The following CYP19A1 variants were observed in gnomAD, a reference collection of about 807,000 sequenced individuals.
CYP19A1 encodes aromatase.
CYP19A1 carries 32 observed loss-of-function variants against 44.4 expected under a neutral mutation model. The ratio of observed to expected loss-of-function variants is 0.72; its 90% CI spans 0.54 to 0.97. The LOEUF is 0.97. Among genes scored for constraint, CYP19A1 ranks in the 50% least tolerant of loss-of-function variants. The pLI is 0.00. For missense variants in CYP19A1, 598 were observed against 637.8 expected (o/e 0.94, Z 0.67); for synonymous variants, 212 against 215.6 (o/e 0.98, Z 0.14).
rs28757208 is a variant in CYP19A1 at position 51,210,348 on chromosome 15, C to G, written c.*460G>C. 336 of 483,652 alleles carry G rather than the reference C, an allele frequency of 6.9e-4. 7 individuals carry two copies. In the East Asian group the frequency reaches 0.017, roughly 24 times the overall value. 30.0% of individuals were successfully genotyped at this position (483,652 alleles called of 1,614,324 possible). A position where few individuals can be genotyped will look rare whatever the true frequency, so the allele number is the denominator to read the frequency against. On this transcript the variant is annotated 3_prime_UTR_variant, in exon 10 of 10. Transcript: ENST00000396402. Reference sequence around the variant, plus strand: ...CTCCACAGAAAACAAAATTAAAGTACTTTAATTCACACTAGCAGGTGGGTT... The same window carrying G: ...CTCCACAGAAAACAAAATTAAAGTAGTTTAATTCACACTAGCAGGTGGGTT...
In CYP19A1 at chr15:51,324,743, A is replaced by G. The variant is rs183453104; in HGVS notation, c.-39+13752T>C. 2.6e-4 allele frequency among the ~76,000 whole-genome samples: 39 copies of G among 152,382 alleles called. No individual in the cohort carries two copies. In the East Asian group the frequency reaches 6.9e-3, roughly 27 times the overall value. On this transcript the variant is annotated intron_variant, in intron 1 of 9. Transcript: ENST00000396402. ...TGGAAGATGCAAATTTTAGACAGGT[A>G]GAGTAAATGTTAACAGGAAATCCTT...
intron 1 of CYP19A1, among the ~76,000 whole-genome samples, chr15:51,317,593 A>G (rs2036451220): frequency 6.6e-6 from 1 of 152,202 alleles, no homozygotes; most frequent in South Asian, 2.1e-4. Context: ...ACCCCCACAC[A>G]GAATGCAAGA....
chr15:51,218,004 T>C (rs1417761555), intron 6 of CYP19A1, among the ~76,000 whole-genome samples: 1 of 152,214 alleles, frequency 6.6e-6, no homozygotes, highest in Non-Finnish European at 1.5e-5. Context: ...CAAAGTCATT[T>C]AATGACAATT....
chr15:51,283,451 C>T (rs2035595869), intron 1 of CYP19A1, among the ~76,000 whole-genome samples: 1 of 152,180 alleles, frequency 6.6e-6, no homozygotes, highest in Non-Finnish European at 1.5e-5. Context: ...TACTATAATC[C>T]AGCAAGGAGG....
At chr15:51,317,813 A>C (rs1327491121) in intron 1 of CYP19A1, among the ~76,000 whole-genome samples, 1 of 152,360 alleles carries the variant, frequency 6.6e-6, no homozygotes, top group East Asian at 1.9e-4. Context: ...AATAGGTTGA[A>C]GGACTTGTCC....
chr15:51,299,032 G>A (rs1475897987), intron 1 of CYP19A1, among the ~76,000 whole-genome samples: 1 of 152,312 alleles, frequency 6.6e-6, no homozygotes, highest in African/African-American at 2.4e-5. Flanking sequence ...TGCTGGAACC[G>A]GCAAGGCCTT....
rs190152575 is a variant in CYP19A1, at chr15:51,308,981, C to T, written c.-39+29514G>A. 5.6e-4 allele frequency among the ~76,000 whole-genome samples: 86 copies of T among 152,284 alleles called. 1 individual carries two copies. Among genetic ancestry groups the T allele is most frequent in the African/African-American group, 2.0e-3 (83 of 41,548 alleles). ...TCCCAGATCCAATCCTCTGGCATTA[C>T]ATCAATGCAGAAAGAGAAGGTAAGT... On this transcript the variant is annotated intron_variant, in intron 1 of 9. Coordinates refer to ENST00000396402, the MANE Select transcript of CYP19A1 (RefSeq NM_000103.4).
intron 1 of CYP19A1, among the ~76,000 whole-genome samples, chr15:51,248,252 C>A (rs1183962410): frequency 6.6e-6 from 1 of 152,186 alleles, no homozygotes; most frequent in African/African-American, 2.4e-5. Flanking sequence ...CCAAACAAAC[C>A]ATCTCTCCAT....
intron 4 of CYP19A1, among the ~76,000 whole-genome samples, chr15:51,223,593 T>TCTCTCACACA (rs1356666512): frequency 0.046 from 4,153 of 90,120 alleles, 167 homozygotes; most frequent in Non-Finnish European, 0.066. Context: ...TCTCTCTCTC[T>TCTCTCACACA]CACACACACA....
intron 4 of CYP19A1, among the ~76,000 whole-genome samples, chr15:51,225,709 C>T (rs953455460): frequency 3.3e-5 from 5 of 152,152 alleles, no homozygotes; most frequent in African/African-American, 4.8e-5. Flanking sequence ...CCAGAACCTA[C>T]TAACATGTTA....
intron 3 of CYP19A1, 43 bp from the exon 4 acceptor site, chr15:51,227,976 G>A: frequency 1.8e-6 from 2 of 1,086,670 alleles, no homozygotes; most frequent in Non-Finnish European, 2.9e-6. Flanking sequence ...TAAGGGTCAG[G>A]AGAACTCCTG....
intron 3 of CYP19A1, among the ~76,000 whole-genome samples, chr15:51,229,138 G>A (rs1000968209): frequency 2.0e-5 from 3 of 152,160 alleles, no homozygotes; most frequent in Non-Finnish European, 4.4e-5. Context: ...TCTCACATCT[G>A]CGATGTGTTC....
chr15:51,306,410 T>C (rs1001460934), intron 1 of CYP19A1, among the ~76,000 whole-genome samples: 15 of 151,792 alleles, frequency 9.9e-5, no homozygotes, highest in Admixed American at 2.6e-4. Flanking sequence ...TTGTTTTTTG[T>C]TTTTTTTCTA....
Position 51,334,386 on chromosome 15 carries a change from T to C in CYP19A1, c.-39+4109A>G, listed in dbSNP as rs74245701. Among the ~76,000 whole-genome samples, 2,322 of 152,344 alleles carry C rather than the reference T, an allele frequency of 0.015. 197 individuals carry two copies. In the East Asian group the frequency reaches 0.26, roughly 17 times the overall value. ...CTGCCCTGCCCCGTTCACAGGCTTA[T>C]TATGGAACTCAAATGACATGAGAAA... On this transcript the variant is annotated intron_variant, in intron 1 of 9. Coordinates refer to ENST00000396402, the MANE Select transcript of CYP19A1 (RefSeq NM_000103.4).
At position 51,236,969 on chromosome 15, in the gene CYP19A1, G is replaced by A. The variant is rs60308277; in HGVS notation, c.186C>T (p.His62=). The A allele has an allele frequency of 5.4e-3, 8,713 of 1,614,130 alleles. 385 individuals carry two copies. The African/African-American group carries it at 0.1, about 19-fold the overall frequency. The change falls in exon 3 of 10, where the codon CAC becomes CAT. Residue 62 remains histidine (H), a synonymous_variant. Transcript: ENST00000396402. Reference sequence around the variant, plus strand: ...CGATCCCCATCCACAGGAATCTGCCGTGGGAGATGAGGGGTCCAATTCCCA... The same window carrying A: ...CGATCCCCATCCACAGGAATCTGCCATGGGAGATGAGGGGTCCAATTCCCA... ...YCMGIGPLIS[H]GRFLWMGIGS... is the part of the protein sequence containing the mutation.
intron 1 of CYP19A1, among the ~76,000 whole-genome samples, chr15:51,260,723 T>TCACTAAAATACAAATTGG (rs2034682151): frequency 6.6e-6 from 1 of 152,052 alleles, no homozygotes; most frequent in Non-Finnish European, 1.5e-5. Context: ...TAAAGAGGGC[T>TCACTAAAATACAAATTGG]CACTAAAATA....
chr15:51,315,049 G>A (rs535080602), intron 1 of CYP19A1, among the ~76,000 whole-genome samples: 8 of 151,882 alleles, frequency 5.3e-5, no homozygotes, highest in Admixed American at 2.0e-4. Context: ...TCTCTACCCC[G>A]AGGCCAGAGG....
At chr15:51,219,200 C>A (rs577087812) in intron 5 of CYP19A1, among the ~76,000 whole-genome samples, 1 of 152,288 alleles carries the variant, frequency 6.6e-6, no homozygotes, top group East Asian at 1.9e-4. Flanking sequence ...TAACACTCAT[C>A]ACATAGCTTT....
rs1012182118 is a variant in CYP19A1, at chr15:51,243,004, A to G, written c.-38-54T>C. On this transcript the variant is annotated intron_variant, in intron 1 of 9. Coordinates refer to ENST00000396402, the MANE Select transcript of CYP19A1 (RefSeq NM_000103.4). ...ACAGAATCCCCTAAAAGGTTCATCT[A>G]TAGCTCCTGTTGCTTCAGAGGGTGC... The G allele has an allele frequency of 1.2e-5, 11 of 885,090 alleles. No homozygotes were observed. The East Asian group carries it at 2.6e-4, about 21-fold the overall frequency. The allele number at this position is 885,090 out of a possible 1,614,324, so 54.8% of individuals were successfully genotyped here. A position where few individuals can be genotyped will look rare whatever the true frequency, so the allele number is the denominator to read the frequency against.
Sources: gnomAD v4.1 joint callset for allele counts (sites outside exome capture counted in the v4.1 genomes callset) on GRCh38, gnomAD v4.1.1 for gene constraint, MANE v1.5 for transcripts, NCBI Gene and HGNC (gene_info 2026-07-23, HGNC 2026-07-21) for gene names.